Variants in C1GALT1 observed in about 807,000 individuals in gnomAD.
The protein encoded by C1GALT1 is core 1 synthase, glycoprotein-N-acetylgalactosamine 3-beta-galactosyltransferase 1.
A neutral mutation model predicts 31.0 loss-of-function variants in C1GALT1; 11 were observed. The observed-to-expected ratio is 0.36, with a 90% CI of 0.22 to 0.59. The LOEUF (loss-of-function observed/expected upper bound fraction) is 0.59, where lower values mean the gene tolerates loss of function less well. Ranked by LOEUF, C1GALT1 falls within the 20% of genes least tolerant of loss-of-function variation. C1GALT1 has a pLI of 0.79. For missense variants in C1GALT1, 424 were observed against 425.2 expected, an observed-to-expected ratio of 1.00 and a Z score of 0.03; for synonymous variants, 175 against 143.6, an observed-to-expected ratio of 1.22 and a Z score of -1.56.
chr7:7,234,218 T>C (rs535326385), intron 1 of C1GALT1, 85 bp from the exon 2 acceptor site: 1 of 963,204 alleles, frequency 1.0e-6, no homozygotes, highest in South Asian at 1.6e-5. Context: ...AACTTTCCGT[T>C]ATAGCTAAAT....
rs573763168 is a variant in C1GALT1, at chr7:7,198,078, TAGG to T, written c.-18+15262_-18+15264del. Among the ~76,000 whole-genome samples, 5 of 152,320 alleles carry T rather than the reference TAGG, an allele frequency of 3.3e-5. No individual in the cohort carries two copies. In the South Asian group the frequency reaches 1.0e-3, roughly 32 times the overall value. ...CCAGAACTTCCAACACTATGTTGAA[TAGG>T]AGGGTGAGGGAGGGCATCCCTGTCT... On this transcript the variant is annotated intron_variant, in intron 1 of 3. Coordinates refer to ENST00000436587, the MANE Select transcript of C1GALT1 (RefSeq NM_020156.5).
chr7:7,205,222 C>A (rs1184127410), intron 1 of C1GALT1, among the ~76,000 whole-genome samples: 2 of 151,930 alleles, frequency 1.3e-5, no homozygotes, highest in African/African-American at 4.8e-5. Context: ...TATAGCTGAC[C>A]CCTGAACAAC....
At chr7:7,165,690 T>C (rs1283734449) in intron 2 of C1GALT1, among the ~76,000 whole-genome samples, 1 of 152,138 alleles carries the variant, frequency 6.6e-6, no homozygotes, top group East Asian at 1.9e-4. Context: ...TGAATAGTTG[T>C]AAGCACCAAT....
chr7:7,174,420 T>G (rs1449212137), intron 2 of C1GALT1, among the ~76,000 whole-genome samples: 1 of 152,182 alleles, frequency 6.6e-6, no homozygotes, highest in African/African-American at 2.4e-5. Context: ...TAAGAGTATA[T>G]TTAGTTTTGT....
intron 2 of C1GALT1, among the ~76,000 whole-genome samples, chr7:7,161,004 A>G (rs12530758): frequency 0.36 from 54,690 of 151,920 alleles, 10,938 homozygotes; most frequent in East Asian, 0.57. Flanking sequence ...CTAAGACAGA[A>G]TAATAGGCAG....
rs975633094 is a variant in C1GALT1 at position 7,200,520 on chromosome 7, T to C, written c.-18+17700T>C. On this transcript the variant is annotated intron_variant, in intron 1 of 3. Coordinates refer to ENST00000436587, the MANE Select transcript of C1GALT1 (RefSeq NM_020156.5). The stretch of plus-strand genomic sequence containing the variant: ...AGTATCTTTGTGGCATTCTCTGTAT[T>C]ACCAGAATTTGAATGTTGGCCTGCC... Among the ~76,000 whole-genome samples, 4 of 152,186 alleles carry C rather than the reference T, an allele frequency of 2.6e-5. No homozygotes were observed. In the East Asian group the frequency reaches 7.7e-4, roughly 29 times the overall value.
intron 1 of C1GALT1, among the ~76,000 whole-genome samples, chr7:7,215,817 G>A (rs1420053406): frequency 6.6e-6 from 1 of 152,006 alleles, no homozygotes; most frequent in Non-Finnish European, 1.5e-5. Context: ...TCCCGTGTGA[G>A]GTTAAATACC....
chr7:7,166,488 C>G (rs773519502), intron 2 of C1GALT1, among the ~76,000 whole-genome samples: 1 of 151,984 alleles, frequency 6.6e-6, no homozygotes, highest in Non-Finnish European at 1.5e-5. Flanking sequence ...TCAGTGGTTG[C>G]TTGGAGATGG....
chr7:7,184,626 T>C (rs1780733739), intron 1 of C1GALT1, among the ~76,000 whole-genome samples: 1 of 152,238 alleles, frequency 6.6e-6, no homozygotes, highest in East Asian at 1.9e-4. Context: ...AGTTTAACAT[T>C]ATAAGCCATG....
intron 2 of C1GALT1, among the ~76,000 whole-genome samples, chr7:7,160,514 G>C (rs1780323265): frequency 6.6e-6 from 1 of 152,118 alleles, no homozygotes; most frequent in Non-Finnish European, 1.5e-5. Flanking sequence ...AGGCTACACT[G>C]CTCTTCTTAG....
In C1GALT1 at chr7:7,187,458, C is replaced by G. The variant is rs1780870212; in HGVS notation, c.-18+4638C>G. ...TATTTTTAGTAGAGACAGGGGAGAT[C>G]TTTTATGTAAATGTGAGAAACAGTT... is the stretch of plus-strand genomic sequence containing the variant. On this transcript the variant is annotated intron_variant, in intron 1 of 3. Transcript: ENST00000436587. Among the ~76,000 whole-genome samples the G allele has an allele frequency of 4.0e-5, 6 of 151,680 alleles. No individual in the cohort carries two copies. The South Asian group carries it at 1.0e-3, about 26-fold the overall frequency.
intron 3 of C1GALT1, among the ~76,000 whole-genome samples, chr7:7,241,316 A>T (rs1231886474): frequency 6.6e-6 from 1 of 151,924 alleles, no homozygotes; most frequent in Non-Finnish European, 1.5e-5. Context: ...CTTATCATAC[A>T]CTGTAACCTT....
At chr7:7,179,832 TC>T (rs1780550102), upstream of C1GALT1, among the ~76,000 whole-genome samples, 1 of 132,572 alleles carries the variant, frequency 7.5e-6, no homozygotes, top group South Asian at 2.4e-4. Flanking sequence ...CTGTTCTACC[TC>T]CAGTATCATG....
chr7:7,169,985 G>C (rs1750427285), intron 2 of C1GALT1, among the ~76,000 whole-genome samples: 1 of 152,164 alleles, frequency 6.6e-6, no homozygotes, highest in South Asian at 2.1e-4. Context: ...TCTGGTCCTG[G>C]ACTTTTCTTT....
intron 2 of C1GALT1, among the ~76,000 whole-genome samples, chr7:7,159,665 T>G (rs1780313143): frequency 6.6e-6 from 1 of 152,198 alleles, no homozygotes; most frequent in South Asian, 2.1e-4. Context: ...TTGATAGTAA[T>G]GCCTTTGGAA....
At chr7:7,174,038 C>T (rs1780480006) in intron 2 of C1GALT1, among the ~76,000 whole-genome samples, 1 of 152,144 alleles carries the variant, frequency 6.6e-6, no homozygotes, top group Non-Finnish European at 1.5e-5. Context: ...GGTGAGGGTT[C>T]TTTTCCTGGC....
intron 2 of C1GALT1, among the ~76,000 whole-genome samples, chr7:7,173,106 C>A (rs1228361048): frequency 6.6e-6 from 1 of 151,970 alleles, no homozygotes; most frequent in Non-Finnish European, 1.5e-5. Context: ...AAATGTAATC[C>A]CCAATGTTGG....
At chr7:7,236,431 G>A (rs958815570) in intron 2 of C1GALT1, among the ~76,000 whole-genome samples, 1 of 152,196 alleles carries the variant, frequency 6.6e-6, no homozygotes, top group African/African-American at 2.4e-5. Flanking sequence ...GATATGAGAT[G>A]TCTATGCTTT....
chr7:7,223,940 T>C (rs2128243798), intron 1 of C1GALT1, among the ~76,000 whole-genome samples: 1 of 152,272 alleles, frequency 6.6e-6, no homozygotes, highest in East Asian at 1.9e-4. Context: ...GGAAATTCCT[T>C]CTGTTTTTGT....
Sources: allele counts gnomAD v4.1 joint callset (sites outside exome capture counted in the v4.1 genomes callset), GRCh38; gene constraint gnomAD v4.1.1; transcripts MANE v1.5; gene names NCBI Gene and HGNC (gene_info 2026-07-23, HGNC 2026-07-21).